ATP2B4: variants seen among roughly 807,000 people sequenced by gnomAD.
ATP2B4 encodes the protein ATPase plasma membrane Ca2+ transporting 4.
ATP2B4 carries 39 observed loss-of-function variants against 110.3 expected under a neutral mutation model. That is an observed-to-expected ratio of 0.35 (90% CI 0.27 to 0.46). The LOEUF (loss-of-function observed/expected upper bound fraction) is 0.46. ATP2B4 is among the 20% of genes least tolerant of loss of function. ATP2B4 has a pLI of 1.00. For synonymous variants in ATP2B4, 538 were observed against 571.7 expected (o/e 0.94, Z 0.84); for missense variants, 1,135 against 1,530.9 (o/e 0.74, Z 4.32).
rs377618989 is a variant in ATP2B4 at position 203,632,070 on chromosome 1, C to T, written c.-465+4851C>T. ...GAGCTGGGATTATAGGTGTGAGCCACCAAGCCCAGCCACAAGGTGGTTTTT... is the reference window on the plus strand; with the variant it reads ...GAGCTGGGATTATAGGTGTGAGCCATCAAGCCCAGCCACAAGGTGGTTTTT... On this transcript the variant is annotated intron_variant, in intron 1 of 20. Transcript: ENST00000357681. 1.1e-4 allele frequency among the ~76,000 whole-genome samples: 17 copies of T among 152,044 alleles called. 1 individual carries two copies. The highest frequency in any genetic ancestry group is 5.2e-4 in the Admixed American group (8 of 15,262).
In ATP2B4 at chr1:203,729,560, A is replaced by G. The variant is rs531706262; in HGVS notation, c.3309+1989A>G. On this transcript the variant is annotated intron_variant, in intron 20 of 20. Transcript: ENST00000357681. The stretch of plus-strand genomic sequence containing the variant: ...ACTCTGTCTCAAAAAAAAAAAAAAA[A>G]AAGAAGAAGAAAAGTGGATTGCAGA... 1.8e-3 allele frequency: 829 copies of G among 449,878 alleles called. 4 individuals carry two copies. Among genetic ancestry groups the G allele is most frequent in the African/African-American group, 0.011 (513 of 48,098 alleles). The allele number at this position is 449,878 out of a possible 1,614,324, so 27.9% of individuals were successfully genotyped here. A position where few individuals can be genotyped will look rare whatever the true frequency, so the allele number is the denominator to read the frequency against.
intron 1 of ATP2B4, among the ~76,000 whole-genome samples, chr1:203,644,428 A>G (rs1165282735): frequency 2.0e-5 from 3 of 152,106 alleles, no homozygotes; most frequent in Non-Finnish European, 4.4e-5. Context: ...TCCTAATGAC[A>G]GGCAGGGTGG....
chr1:203,727,451 C>T lies in ATP2B4; in HGVS notation c.3189C>T (p.Gly1063=). ...AGTTCCTGAAGGAGGCTGGGCATGG[C>T]ACCACCAAAGAGGAGATCACCAAGG... is the stretch of plus-strand genomic sequence containing the variant. ...SLKFLKEAGH[G]TTKEEITKDA... is the part of the protein sequence containing the mutation. Residue 1063 remains glycine, a synonymous_variant, in exon 20 of 21, where the codon GGC becomes GGT. Transcript: ENST00000357681. 6.2e-7 allele frequency: 1 copy of T among 1,614,230 alleles called. No homozygotes were observed. The highest frequency in any genetic ancestry group is 8.5e-7 in the Non-Finnish European group (1 of 1,180,026).
chr1:203,687,454 C>T (rs775262944), intron 2 of ATP2B4, among the ~76,000 whole-genome samples: 4 of 152,168 alleles, frequency 2.6e-5, no homozygotes, highest in Non-Finnish European at 5.9e-5. Context: ...GAAGGCCACA[C>T]AGCCTGACAG....
At chr1:203,706,268 A>T (rs1273105244) in intron 8 of ATP2B4, among the ~76,000 whole-genome samples, 1 of 152,196 alleles carries the variant, frequency 6.6e-6, no homozygotes, top group Non-Finnish European at 1.5e-5. Flanking sequence ...ACTGTTCAGT[A>T]GTCTCAGGAT....
chr1:203,657,353 G>A (rs150111172), intron 1 of ATP2B4: 43 of 744,384 alleles, frequency 5.8e-5, no homozygotes, highest in Non-Finnish European at 8.6e-5. Context: ...CTTTTAATAC[G>A]TCTGTTTCTC....
At chr1:203,708,532 C>T (rs1265181534) in intron 10 of ATP2B4, among the ~76,000 whole-genome samples, 4 of 152,266 alleles carry the variant, frequency 2.6e-5, no homozygotes, top group South Asian at 2.1e-4. Context: ...ACAAGGATCA[C>T]GGTTACCACT....
At position 203,714,121 on chromosome 1, in the gene ATP2B4, A is replaced by G. The variant is rs78762688; in HGVS notation, c.2300-50A>G. 3.1e-3 allele frequency: 4,773 copies of G among 1,542,266 alleles called. 129 individuals carry two copies. In the African/African-American group the frequency reaches 0.057, roughly 18 times the overall value. On this transcript the variant is annotated intron_variant, in intron 14 of 20. Coordinates refer to ENST00000357681, the MANE Select transcript of ATP2B4 (RefSeq NM_001684.5). ...AGGAGTGGCGGGTGGTAGGAACTGA[A>G]GGGTGGGGGAGACCAGAAAAGCTCA...
intron 6 of ATP2B4, among the ~76,000 whole-genome samples, chr1:203,701,248 G>T (rs1008395132): frequency 2.0e-5 from 3 of 152,114 alleles, no homozygotes; most frequent in African/African-American, 7.2e-5. Flanking sequence ...TGCCTTCCGT[G>T]TACTCCCCCT....
chr1:203,700,799 G>A lies in ATP2B4; in HGVS notation c.777G>A (p.Gly259=). Residue 259 remains glycine, a splice_region_variant and synonymous_variant, in exon 6 of 21, where the codon GGG becomes GGA. Coordinates refer to ENST00000357681, the MANE Select transcript of ATP2B4 (RefSeq NM_001684.5). ...SLDKDPMLLS[G]THVMEGSGRM... ...CCCATCTTCTCCTTTCCCGTGTAGG[G>A]ACCCATGTCATGGAAGGTTCTGGCC... 6.2e-7 allele frequency: 1 copy of A among 1,613,464 alleles called. No individual in the cohort carries two copies. Among genetic ancestry groups the A allele is most frequent in the South Asian group, 1.1e-5 (1 of 91,026 alleles).
chr1:203,658,389 G>A (rs1237166708), intron 1 of ATP2B4, among the ~76,000 whole-genome samples: 1 of 151,126 alleles, frequency 6.6e-6, no homozygotes, highest in African/African-American at 2.4e-5. Context: ...AAAAAAGCCT[G>A]GCATGATGAT....
At chr1:203,679,415 C>T (rs997160104) in intron 1 of ATP2B4, among the ~76,000 whole-genome samples, 3 of 152,188 alleles carry the variant, frequency 2.0e-5, no homozygotes, top group South Asian at 2.1e-4. Context: ...AGCAGCTTAG[C>T]GCTTGACCTA....
chr1:203,664,065 CTTAAAAGA>C (rs542441573), intron 1 of ATP2B4, among the ~76,000 whole-genome samples: 1 of 152,344 alleles, frequency 6.6e-6, no homozygotes, highest in East Asian at 1.9e-4. Flanking sequence ...TCCTGTCTAT[CTTAAAAGA>C]TTGTTGCAAA....
chr1:203,647,547 C>T (rs1663840269), intron 1 of ATP2B4, among the ~76,000 whole-genome samples: 1 of 152,018 alleles, frequency 6.6e-6, no homozygotes, highest in Admixed American at 6.6e-5. Context: ...TTGCTTGATC[C>T]CAAGAGTTCG....
chr1:203,713,550 C>T (rs972060580), intron 14 of ATP2B4, among the ~76,000 whole-genome samples: 3 of 152,092 alleles, frequency 2.0e-5, no homozygotes, highest in African/African-American at 7.2e-5. Context: ...CTGCAACCTC[C>T]GCCTCGTGAG....
At chr1:203,633,117 C>T (rs1663326559) in intron 1 of ATP2B4, among the ~76,000 whole-genome samples, 1 of 152,202 alleles carries the variant, frequency 6.6e-6, no homozygotes, top group Non-Finnish European at 1.5e-5. Context: ...AGAGCATGCT[C>T]ATGTCATGAC....
At position 203,712,023 on chromosome 1, in the gene ATP2B4, A is replaced by C. The variant is rs542415431; in HGVS notation, c.2095A>C (p.Asn699His). Reference sequence around the variant, plus strand: ...TACTGTCAGAATGGTGACAGGTGACAACATCAACACAGCCCGGGCCATTGC... The same window carrying C: ...TACTGTCAGAATGGTGACAGGTGACCACATCAACACAGCCCGGGCCATTGC... ...GITVRMVTGDNINTARAIATK... is the reference protein window; with the variant it reads ...GITVRMVTGDHINTARAIATK... The change falls in exon 13 of 21, where the codon AAC (asparagine) becomes CAC (histidine). Residue 699 changes from asparagine (N) to histidine (H), a missense_variant. This residue lies in a region of ATP2B4 where 368 missense variants were observed against 455.9 expected (regional missense o/e 0.81). Coordinates refer to ENST00000357681, the MANE Select transcript of ATP2B4 (RefSeq NM_001684.5). 6.2e-7 allele frequency: 1 copy of C among 1,614,186 alleles called. No homozygotes were observed. Among genetic ancestry groups the C allele is most frequent in the African/African-American group, 1.3e-5 (1 of 75,068 alleles).
intron 20 of ATP2B4, among the ~76,000 whole-genome samples, chr1:203,729,300 A>G (rs1309845400): frequency 6.6e-6 from 1 of 151,920 alleles, no homozygotes; most frequent in Non-Finnish European, 1.5e-5. Flanking sequence ...TAATCCCAGC[A>G]CTTTGGGAGG....
At chr1:203,662,168 T>A (rs534147272) in intron 1 of ATP2B4, among the ~76,000 whole-genome samples, 1 of 152,122 alleles carries the variant, frequency 6.6e-6, no homozygotes, top group East Asian at 1.9e-4. Flanking sequence ...GGACTGCAGG[T>A]GCCTGCCACC....
Sources: allele counts gnomAD v4.1 joint callset (sites outside exome capture counted in the v4.1 genomes callset), GRCh38; gene constraint gnomAD v4.1.1; regional missense constraint gnomAD v4.1.1; transcripts MANE v1.5; gene names NCBI Gene and HGNC (gene_info 2026-07-23, HGNC 2026-07-21).